The following KIF1A variants were observed in gnomAD, a reference collection of about 807,000 sequenced individuals.
KIF1A encodes kinesin family member 1A.
In KIF1A, 46 loss-of-function variants were observed where a neutral mutation model predicts 227.3. The ratio of observed to expected loss-of-function variants is 0.20; its 90% CI spans 0.16 to 0.26. KIF1A has a LOEUF of 0.26. Among genes scored for constraint, KIF1A ranks in the 10% least tolerant of loss-of-function variants. The probability of loss-of-function intolerance (pLI) is 1.00; values close to 1 mark genes in which losing one functional copy is unlikely to be tolerated. For synonymous variants in KIF1A, 1,022 were observed against 1,012.8 expected, an observed-to-expected ratio of 1.01 and a Z score of -0.17; for missense variants, 1,683 against 2,485.9, an observed-to-expected ratio of 0.68 and a Z score of 6.87.
rs1361461993 is a variant in KIF1A at position 240,722,554 on chromosome 2, A to C, written c.4567T>G (p.Ser1523Ala). Residue 1523 changes from serine to alanine, a missense_variant, in exon 43 of 49, where the codon TCC (serine) becomes GCC (alanine). By Grantham distance (99) the Ser-to-Ala change is moderately conservative. Around this residue, in one of 12 missense-constraint regions of KIF1A, gnomAD observed 384 missense variants for 410.1 expected, o/e 0.94. Transcript: ENST00000498729. ...LSPAFSEDSESHGSSSASSPL... is the reference protein window; with the variant it reads ...LSPAFSEDSEAHGSSSASSPL... Reference sequence around the variant, plus strand: ...GAGGAGGCGCTGGAGGAGCCATGGGACTCAGAGTCCTCGCTGAAGGCCGGG... The same window carrying C: ...GAGGAGGCGCTGGAGGAGCCATGGGCCTCAGAGTCCTCGCTGAAGGCCGGG... The C allele has an allele frequency of 6.4e-7, 1 of 1,551,512 alleles. No individual in the cohort carries two copies. The highest frequency in any genetic ancestry group is 1.2e-5 in the South Asian group (1 of 84,064).
Position 240,758,274 on chromosome 2 carries a change from G to GT in KIF1A, c.2582+85dup. 6.9e-7 allele frequency: 1 copy of GT among 1,450,140 alleles called. No homozygotes were observed. The highest frequency in any genetic ancestry group is 9.3e-7 in the Non-Finnish European group (1 of 1,078,648). The allele number at this position is 1,450,140 out of a possible 1,614,324, so 89.8% of individuals were successfully genotyped here. A position where few individuals can be genotyped will look rare whatever the true frequency, so the allele number is the denominator to read the frequency against. On this transcript the variant is annotated intron_variant, in intron 26 of 48. Coordinates refer to ENST00000498729, the MANE Select transcript of KIF1A (RefSeq NM_001244008.2). This position sits in a 1 kb window ranked among gnomAD's most constrained non-coding sequence, Gnocchi z 5.2. ...AAAGCACTTGTCAGGGCCGCTCCTT[G>GT]TATCAGGCCAGGGCCCACTCCTACC...
At chr2:240,780,865 G>A (rs1347008095) in intron 10 of KIF1A, among the ~76,000 whole-genome samples, 2 of 32,808 alleles carry the variant, frequency 6.1e-5, no homozygotes, top group Non-Finnish European at 1.1e-4. Flanking sequence ...CACACACACA[G>A]CTCCACACAC....
At position 240,725,191 on chromosome 2, in the gene KIF1A, C is replaced by T; in HGVS notation, c.4256+80G>A. On this transcript the variant is annotated intron_variant, in intron 40 of 48. Coordinates refer to ENST00000498729, the MANE Select transcript of KIF1A (RefSeq NM_001244008.2). This position sits in a 1 kb window ranked among gnomAD's most constrained non-coding sequence, Gnocchi z 5.8. ...GGTGAGCTGCCGGGTGGCCCAAGGA[C>T]CGCTGCCAGGCAGAGCCCTGCCTGG... The T allele has an allele frequency of 6.7e-7, 1 of 1,482,016 alleles. No individual in the cohort carries two copies. The highest frequency in any genetic ancestry group is 2.5e-5 in the East Asian group (1 of 40,478). 91.8% of individuals were successfully genotyped at this position (1,482,016 alleles called of 1,614,324 possible). A position where few individuals can be genotyped will look rare whatever the true frequency, so the allele number is the denominator to read the frequency against.
rs754886315 is a variant in KIF1A, at chr2:240,726,866, T to A, written c.4082A>T (p.Tyr1361Phe). 1.2e-6 allele frequency: 2 copies of A among 1,612,786 alleles called. No individual in the cohort carries two copies. The highest frequency in any genetic ancestry group is 1.7e-6 in the Non-Finnish European group (2 of 1,179,500). Residue 1361 changes from tyrosine to phenylalanine, a missense_variant, in exon 39 of 49, where the codon TAT (tyrosine) becomes TTT (phenylalanine). Physicochemically the swap from Tyr to Phe is conservative, Grantham distance 22. This residue lies in a region of KIF1A where 759 missense variants were observed against 1,020.2 expected (regional missense o/e 0.74). Coordinates refer to ENST00000498729, the MANE Select transcript of KIF1A (RefSeq NM_001244008.2). The surrounding 1 kb of genome is among the most constrained non-coding windows in gnomAD (Gnocchi z 5.2). ...NSLLLNRVTP[Y>F]REKIYMTLSA... ...GAGTGTCATGTAGATTTTCTCTCGA[T>A]AAGGGGTGACCCGGTTCAGCAGGAG...
intron 27 of KIF1A, among the ~76,000 whole-genome samples, chr2:240,753,989 C>G (rs2049528294): frequency 6.6e-6 from 1 of 152,178 alleles, no homozygotes; most frequent in African/African-American, 2.4e-5. Context: ...GGGCAATTCA[C>G]CTGGGCACCT....
intron 13 of KIF1A, among the ~76,000 whole-genome samples, 190 bp from the exon 14 acceptor site, chr2:240,772,786 G>A (rs1042510875): frequency 3.9e-5 from 6 of 152,226 alleles, no homozygotes; most frequent in African/African-American, 7.2e-5. Flanking sequence ...CCCACAGCCT[G>A]CCTATGGGGC....
intron 20 of KIF1A, 128 bp downstream of exon 20, chr2:240,765,582 C>T: frequency 4.1e-6 from 3 of 725,816 alleles, no homozygotes; most frequent in Non-Finnish European, 7.0e-6. Flanking sequence ...CCCTCCCCTA[C>T]CTGCCCAGCG....
intron 1 of KIF1A, among the ~76,000 whole-genome samples, chr2:240,803,871 T>A (rs929568002): frequency 7.2e-5 from 11 of 152,224 alleles, no homozygotes; most frequent in African/African-American, 2.7e-4. Flanking sequence ...TTTTAAAAAA[T>A]CATTACCAAA....
At chr2:240,719,949 G>A (rs777874917) in intron 45 of KIF1A, 23 bp from the exon 46 acceptor site, 3 of 1,577,060 alleles carry the variant, frequency 1.9e-6, no homozygotes, top group Non-Finnish European at 2.6e-6. Context: ...GGGAAGTGCT[G>A]CCCACTGCAG....
At chr2:240,772,521 G>A (rs765245805) in intron 14 of KIF1A, 49 bp downstream of exon 14, 6 of 1,515,068 alleles carry the variant, frequency 4.0e-6, no homozygotes, top group Non-Finnish European at 9.0e-7. Context: ...CCCTCATGCT[G>A]GCTGGGGCTG....
rs552023040 is a variant in KIF1A at position 240,817,971 on chromosome 2, C to T, written c.-61+2151G>A. On this transcript the variant is annotated intron_variant, in intron 1 of 48. Coordinates refer to ENST00000498729, the MANE Select transcript of KIF1A (RefSeq NM_001244008.2). ...TCATCCCTGGGCTTTGGGCAGAACT[C>T]CAGGCTCCACCTGTTTGTGGCTGGC... 2.4e-3 allele frequency among the ~76,000 whole-genome samples: 366 copies of T among 152,322 alleles called. 1 individual carries two copies. The highest frequency in any genetic ancestry group is 8.4e-3 in the African/African-American group (349 of 41,586).
chr2:240,755,821 G>A (rs928526643), intron 27 of KIF1A, among the ~76,000 whole-genome samples: 6 of 152,178 alleles, frequency 3.9e-5, no homozygotes, highest in African/African-American at 1.2e-4. Flanking sequence ...CCTGACACCC[G>A]GAGCCACTCC....
intron 1 of KIF1A, among the ~76,000 whole-genome samples, chr2:240,802,861 C>T (rs1451048693): frequency 6.6e-6 from 1 of 152,126 alleles, no homozygotes; most frequent in African/African-American, 2.4e-5. Context: ...GGCTCCTGGG[C>T]TCAAATGATC....
At chr2:240,773,985 G>T (rs968276040) in intron 12 of KIF1A, among the ~76,000 whole-genome samples, 198 bp downstream of exon 12, 14 of 152,194 alleles carry the variant, frequency 9.2e-5, no homozygotes, top group African/African-American at 3.1e-4. Context: ...ACCCCCAAAG[G>T]CTCCATGGAG....
chr2:240,746,446 C>A (rs1363059138), intron 29 of KIF1A, among the ~76,000 whole-genome samples: 1 of 152,232 alleles, frequency 6.6e-6, no homozygotes, highest in Non-Finnish European at 1.5e-5. Flanking sequence ...TCACCACCTG[C>A]CTCTCTGCTC....
At position 240,732,454 on chromosome 2, in the gene KIF1A, G is replaced by A. The variant is rs141069526; in HGVS notation, c.4007+4609C>T. Among the ~76,000 whole-genome samples the A allele has an allele frequency of 2.0e-3, 296 of 146,822 alleles. 1 individual carries two copies. The highest frequency in any genetic ancestry group is 7.0e-3 in the African/African-American group (279 of 39,636). ...TGAGGGAATTAGGGAATGCAGGGAC[G>A]AGGAGGTAAGGGATGAGGGGGTGAG... On this transcript the variant is annotated intron_variant, in intron 38 of 48. Coordinates refer to ENST00000498729, the MANE Select transcript of KIF1A (RefSeq NM_001244008.2).
chr2:240,754,957 TCCCTCCCCAGCCCTGCTC>T (rs1171524254), intron 27 of KIF1A, among the ~76,000 whole-genome samples: 1 of 151,842 alleles, frequency 6.6e-6, no homozygotes, highest in Non-Finnish European at 1.5e-5. Context: ...ACACCTGCGC[TCCCTCCCCAGCCCTGCTC>T]CCCTCCCAGG....
At chr2:240,807,098 G>A (rs1173036673) in intron 1 of KIF1A, among the ~76,000 whole-genome samples, 5 of 96,742 alleles carry the variant, frequency 5.2e-5, no homozygotes, top group Admixed American at 1.0e-4. Context: ...GTGTGTGTGT[G>A]TGTGTGTGTG....
chr2:240,820,153 G>T lies in KIF1A; in HGVS notation c.-92C>A. 1 of 149,386 alleles carries T rather than the reference G, an allele frequency of 6.7e-6. No homozygotes were observed. Among genetic ancestry groups the T allele is most frequent in the South Asian group, 1.8e-4 (1 of 5,644 alleles). 9.3% of individuals were successfully genotyped at this position (149,386 alleles called of 1,614,324 possible). A position where few individuals can be genotyped will look rare whatever the true frequency, so the allele number is the denominator to read the frequency against. ...GGCGTCACTGGCGGCGGCCCCGCAT[G>T]GGCACTGGCATGGGCGCGGGCTCTC... is the stretch of plus-strand genomic sequence containing the variant. On this transcript the variant is annotated 5_prime_UTR_variant, in exon 1 of 49. Coordinates refer to ENST00000498729, the MANE Select transcript of KIF1A (RefSeq NM_001244008.2). This position sits in a 1 kb window ranked among gnomAD's most constrained non-coding sequence, Gnocchi z 6.2.
Sources: gnomAD v4.1 joint callset for allele counts (sites outside exome capture counted in the v4.1 genomes callset) on GRCh38, gnomAD v4.1.1 for gene constraint, gnomAD v4.1.1 regional missense constraint, Gnocchi (gnomAD v3.1) non-coding constraint, MANE v1.5 for transcripts, NCBI Gene and HGNC (gene_info 2026-07-23, HGNC 2026-07-21) for gene names.